Variants in WWC2 observed in about 807,000 individuals in gnomAD.
WWC2 encodes WW and C2 domain containing 2, also known as protein WWC2.
A neutral mutation model predicts 138.5 loss-of-function variants in WWC2; 101 were observed. The observed-to-expected ratio is 0.73, with a 90% CI of 0.62 to 0.86. WWC2 has a LOEUF of 0.86. Ranked by LOEUF, WWC2 falls within the 40% of genes least tolerant of loss-of-function variation. WWC2 has a pLI of 0.00. For missense variants in WWC2, 1,420 were observed against 1,419.4 expected, an observed-to-expected ratio of 1.00 and a Z score of -0.01; for synonymous variants, 558 against 538.4, an observed-to-expected ratio of 1.04 and a Z score of -0.50.
chr4:183,141,171 C>T (rs182316318), intron 1 of WWC2, among the ~76,000 whole-genome samples: 68 of 152,300 alleles, frequency 4.5e-4, no homozygotes, highest in African/African-American at 1.6e-3. Flanking sequence ...ATGGCTTAAA[C>T]AACAGAAGCT....
At chr4:183,250,019 C>CATGGCTCAAACATTCTCTT in intron 8 of WWC2, 26 bp downstream of exon 8, 2 of 1,595,888 alleles carry the variant, frequency 1.3e-6, no homozygotes, top group South Asian at 2.2e-5. Context: ...CTGTTTTGTG[C>CATGGCTCAAACATTCTCTT]ATGGCTCAAA....
In WWC2 at chr4:183,248,698, T is replaced by G; in HGVS notation, c.733-16T>G. ...ACTTGTTAAGCTTTATGAAACACTTTGTGTTTTCTGAACAGAGTCTTGCTA... is the reference window on the plus strand; with the variant it reads ...ACTTGTTAAGCTTTATGAAACACTTGGTGTTTTCTGAACAGAGTCTTGCTA... On this transcript the variant is annotated splice_polypyrimidine_tract_variant and intron_variant, in intron 6 of 22. Coordinates refer to ENST00000403733, the MANE Select transcript of WWC2 (RefSeq NM_024949.6). 6.4e-7 allele frequency: 1 copy of G among 1,570,886 alleles called. No individual in the cohort carries two copies. The highest frequency in any genetic ancestry group is 1.2e-5 in the South Asian group (1 of 85,670).
At chr4:183,204,022 A>C (rs1295291638) in intron 2 of WWC2, among the ~76,000 whole-genome samples, 1 of 152,194 alleles carries the variant, frequency 6.6e-6, no homozygotes, top group Non-Finnish European at 1.5e-5. Flanking sequence ...ATTTAAGTGA[A>C]AGTGGTTTAT....
chr4:183,286,199 A>G (rs1738244513), intron 20 of WWC2, 140 bp downstream of exon 20: 5 of 757,076 alleles, frequency 6.6e-6, no homozygotes, highest in Non-Finnish European at 1.1e-5. Flanking sequence ...TGGGATACAC[A>G]GAGACGCAGA....
At chr4:183,203,931 A>C (rs550192211) in intron 2 of WWC2, among the ~76,000 whole-genome samples, 1 of 152,272 alleles carries the variant, frequency 6.6e-6, no homozygotes, top group East Asian at 1.9e-4. Flanking sequence ...TCCAAGACCA[A>C]ACTTCTTCAG....
intron 11 of WWC2, among the ~76,000 whole-genome samples, chr4:183,264,151 T>C (rs1303091934): frequency 6.6e-6 from 1 of 152,070 alleles, no homozygotes; most frequent in Non-Finnish European, 1.5e-5. Flanking sequence ...AGAAATAAAG[T>C]GGAAAATGCA....
chr4:183,194,156 C>G (rs1449939861), intron 2 of WWC2, among the ~76,000 whole-genome samples: 1 of 152,138 alleles, frequency 6.6e-6, no homozygotes, highest in Admixed American at 6.6e-5. Context: ...GAAGACATAG[C>G]GTAGCTGGGA....
chr4:183,212,325 A>C (rs770204901), intron 4 of WWC2, among the ~76,000 whole-genome samples: 31 of 152,180 alleles, frequency 2.0e-4, no homozygotes, highest in Non-Finnish European at 3.8e-4. Flanking sequence ...TGTACAATAA[A>C]TACCACTCCA....
chr4:183,149,588 C>T (rs1733579869), intron 1 of WWC2, among the ~76,000 whole-genome samples: 1 of 150,156 alleles, frequency 6.7e-6, no homozygotes, highest in Non-Finnish European at 1.5e-5. Context: ...CGCCATTGCA[C>T]TCCAGCCTGG....
In WWC2 at chr4:183,317,622, G is replaced by A. The variant is rs950227199; in HGVS notation, c.*1893G>A. On this transcript the variant is annotated 3_prime_UTR_variant, in exon 23 of 23. Coordinates refer to ENST00000403733, the MANE Select transcript of WWC2 (RefSeq NM_024949.6). ...AATGTCTATAGAATTATGTGTAGTT[G>A]TTCCGTACGATTTTATTTTCTTCAT... is the stretch of plus-strand genomic sequence containing the variant. 1.3e-5 allele frequency: 2 copies of A among 152,670 alleles called. No homozygotes were observed. Among genetic ancestry groups the A allele is most frequent in the Admixed American group, 6.5e-5 (1 of 15,292 alleles). 9.5% of individuals were successfully genotyped at this position (152,670 alleles called of 1,614,324 possible). A position where few individuals can be genotyped will look rare whatever the true frequency, so the allele number is the denominator to read the frequency against.
At chr4:183,114,548 A>G (rs367567080) in intron 1 of WWC2, among the ~76,000 whole-genome samples, 4 of 152,128 alleles carry the variant, frequency 2.6e-5, no homozygotes, top group Non-Finnish European at 5.9e-5. Context: ...GTGGGATGGG[A>G]TGAGATTACT....
Position 183,286,001 on chromosome 4 carries a change from C to A in WWC2, c.3083C>A (p.Ala1028Asp). Residue 1028 changes from alanine (A) to aspartate (D), a missense_variant, in exon 20 of 23, where the codon GCT becomes GAT. By Grantham distance (126) the Ala-to-Asp change is moderately radical. Coordinates refer to ENST00000403733, the MANE Select transcript of WWC2 (RefSeq NM_024949.6). ...AGTGACAGTGACAGTTCAACCCTGGCTAAAAAATCACTGTTTGTGAGAAAC... is the reference window on the plus strand; with the variant it reads ...AGTGACAGTGACAGTTCAACCCTGGATAAAAAATCACTGTTTGTGAGAAAC... ...NRSDSDSSTL[A>D]KKSLFVRNST... 2 of 1,595,572 alleles carry A rather than the reference C, an allele frequency of 1.3e-6. No homozygotes were observed. The highest frequency in any genetic ancestry group is 1.7e-5 in the Admixed American group (1 of 57,364).
At chr4:183,276,384 ATTCTTT>A (rs1471352630) in intron 16 of WWC2, among the ~76,000 whole-genome samples, 2 of 151,602 alleles carry the variant, frequency 1.3e-5, no homozygotes, top group Admixed American at 6.6e-5. Flanking sequence ...TTCCATCTTT[ATTCTTT>A]TTCTTCCTTG....
chr4:183,295,440 T>C (rs1738601556), intron 21 of WWC2, among the ~76,000 whole-genome samples: 1 of 152,214 alleles, frequency 6.6e-6, no homozygotes, highest in Non-Finnish European at 1.5e-5. Context: ...TAAAACGTGA[T>C]GAGAATCTGA....
At chr4:183,156,652 T>C (rs776926678) in intron 1 of WWC2, among the ~76,000 whole-genome samples, 4 of 152,158 alleles carry the variant, frequency 2.6e-5, no homozygotes, top group Non-Finnish European at 4.4e-5. Context: ...TCATTTATTC[T>C]CCCATCTACT....
chr4:183,202,730 C>T (rs190762461), intron 2 of WWC2, among the ~76,000 whole-genome samples: 139 of 152,186 alleles, frequency 9.1e-4, no homozygotes, highest in Admixed American at 1.7e-3. Context: ...TGACTCTATC[C>T]CATTTTCATC....
intron 9 of WWC2, among the ~76,000 whole-genome samples, chr4:183,256,221 G>C (rs1164871509): frequency 6.6e-6 from 1 of 152,138 alleles, no homozygotes; most frequent in Non-Finnish European, 1.5e-5. Context: ...TACTTACATT[G>C]CCATCAAAGG....
At chr4:183,221,109 CAAG>C (rs1441735591) in intron 4 of WWC2, among the ~76,000 whole-genome samples, 1 of 152,098 alleles carries the variant, frequency 6.6e-6, no homozygotes, top group Non-Finnish European at 1.5e-5. Context: ...TTAAAATATT[CAAG>C]AAGATATATC....
chr4:183,216,230 C>T (rs1735750321), intron 4 of WWC2, among the ~76,000 whole-genome samples: 2 of 152,158 alleles, frequency 1.3e-5, no homozygotes, highest in South Asian at 4.1e-4. Flanking sequence ...GCCTCGGGTG[C>T]ACATTTATTT....
Sources: allele counts gnomAD v4.1 joint callset (sites outside exome capture counted in the v4.1 genomes callset), GRCh38; gene constraint gnomAD v4.1.1; transcripts MANE v1.5; gene names NCBI Gene and HGNC (gene_info 2026-07-23, HGNC 2026-07-21).